The following SLC25A23 variants were observed in gnomAD, a reference collection of about 807,000 sequenced individuals.
SLC25A23 encodes the protein solute carrier family 25 member 23, also known as mitochondrial adenyl nucleotide antiporter SLC25A23.
Under a neutral mutation model 53.9 loss-of-function variants are expected in SLC25A23, and 32 were observed. The ratio of observed to expected loss-of-function variants is 0.59; its 90% CI spans 0.45 to 0.80. The LOEUF (loss-of-function observed/expected upper bound fraction) is 0.80, where lower values mean the gene tolerates loss of function less well. Ranked by LOEUF, SLC25A23 falls within the 30% of genes least tolerant of loss-of-function variation. SLC25A23 has a pLI of 0.00. For missense variants in SLC25A23, 575 were observed against 651.4 expected, an observed-to-expected ratio of 0.88 and a Z score of 1.28; for synonymous variants, 275 against 264.5, an observed-to-expected ratio of 1.04 and a Z score of -0.38.
chr19:6,448,885 G>A (rs186565599), intron 8 of SLC25A23, among the ~76,000 whole-genome samples: 18 of 151,848 alleles, frequency 1.2e-4, no homozygotes, highest in Admixed American at 9.2e-4. Flanking sequence ...TTAGCCTGGC[G>A]TGGTGGCGCA....
At chr19:6,442,923 C>A (rs1360763166) in intron 9 of SLC25A23, among the ~76,000 whole-genome samples, 1 of 146,632 alleles carries the variant, frequency 6.8e-6, no homozygotes, top group African/African-American at 2.5e-5. Flanking sequence ...CGTGTGCCAC[C>A]ATGCCCAGCC....
intron 4 of SLC25A23, chr19:6,456,094 T>C (rs1441803951): frequency 7.2e-7 from 1 of 1,387,658 alleles, no homozygotes; most frequent in Non-Finnish European, 9.5e-7. Context: ...AGAAGAGAGC[T>C]GTGTGGGTGG....
Position 6,452,350 on chromosome 19 carries a change from T to C in SLC25A23, c.1033A>G (p.Ile345Val). ...YRGYLPNVLGIIPYAGIDLAV... is the reference protein window; with the variant it reads ...YRGYLPNVLGVIPYAGIDLAV... The stretch of plus-strand genomic sequence containing the variant: ...AGGTCGATGCCCGCATAGGGGATGA[T>C]GCCCAGCACGTTGGGGAGGTAGCCG... The change falls in exon 8 of 10, where the codon ATC (isoleucine) becomes GTC (valine). Residue 345 changes from isoleucine (I) to valine (V), a missense_variant. By Grantham distance (29) the Ile-to-Val change is conservative. Coordinates refer to ENST00000301454, the MANE Select transcript of SLC25A23 (RefSeq NM_024103.3). 6.2e-7 allele frequency: 1 copy of C among 1,613,598 alleles called. No homozygotes were observed. The highest frequency in any genetic ancestry group is 8.5e-7 in the Non-Finnish European group (1 of 1,179,826).
Position 6,456,533 on chromosome 19 carries a change from T to TG in SLC25A23, c.372-3dup, listed in dbSNP as rs749918850. 2 of 1,575,840 alleles carry TG rather than the reference T, an allele frequency of 1.3e-6. No homozygotes were observed. The highest frequency in any genetic ancestry group is 1.1e-5 in the South Asian group (1 of 90,210). On this transcript the variant is annotated splice_polypyrimidine_tract_variant and splice_region_variant and intron_variant, in intron 3 of 9. Coordinates refer to ENST00000301454, the MANE Select transcript of SLC25A23 (RefSeq NM_024103.3). ...GTCATTGTGCCGTCTCGGTCCATGC[T>TG]GGGGGGAAGAAAGGGGGTGGAGGAG...
intron 7 of SLC25A23, 76 bp from the exon 8 acceptor site, chr19:6,452,555 T>C (rs1224449799): frequency 1.1e-5 from 17 of 1,495,906 alleles, no homozygotes; most frequent in Non-Finnish European, 1.4e-5. Flanking sequence ...CACCTAGAAA[T>C]AGCTACTCCT....
intron 1 of SLC25A23, among the ~76,000 whole-genome samples, chr19:6,458,717 AC>A (rs2092717788): frequency 6.6e-6 from 1 of 151,882 alleles, no homozygotes; most frequent in Non-Finnish European, 1.5e-5. Flanking sequence ...CTCTTAAAAA[AC>A]CCTGTCCACA....
rs546073152 is a variant in SLC25A23, at chr19:6,444,991, T to G, written c.1072-690A>C. ...CTAATTATTTTTCTTTTTACAGAGA[T>G]GGAGTGTCACTATGTTGCTCAGGCT... On this transcript the variant is annotated intron_variant, in intron 8 of 9. Coordinates refer to ENST00000301454, the MANE Select transcript of SLC25A23 (RefSeq NM_024103.3). Among the ~76,000 whole-genome samples, 4 of 152,086 alleles carry G rather than the reference T, an allele frequency of 2.6e-5. No individual in the cohort carries two copies. The South Asian group carries it at 8.3e-4, about 32-fold the overall frequency.
At position 6,442,023 on chromosome 19, in the gene SLC25A23, A is replaced by ATCTCG; in HGVS notation, c.1358_1359insCGAGA (p.Val454GlufsTer8). The ATCTCG allele has an allele frequency of 6.2e-7, 1 of 1,613,916 alleles. No homozygotes were observed. ...CCTGCTTCATGTTCTCGTAGACCAC[A>ATCTCG]TAGGAGATGCTCACAGCTGGAATAA... On this transcript the variant is annotated frameshift_variant, in exon 10 of 10. Coordinates refer to ENST00000301454, the MANE Select transcript of SLC25A23 (RefSeq NM_024103.3). LOFTEE classifies it high-confidence loss of function.
Position 6,444,200 on chromosome 19 carries a change from C to T in SLC25A23, c.1173G>A (p.Gln391=), listed in dbSNP as rs1180559654. The change falls in exon 9 of 10, where the codon CAG becomes CAA. Residue 391 remains glutamine (Q), a synonymous_variant. Transcript: ENST00000301454. ...CCAGGGCCAGCGGGTAACTGGCTAT[C>T]TGGCCGCAGGTGCTGGATATGGTAC... ...ACGTISSTCG[Q]IASYPLALVR... is the part of the protein sequence containing the mutation. 1 of 1,601,448 alleles carries T rather than the reference C, an allele frequency of 6.2e-7. No homozygotes were observed.
intron 2 of SLC25A23, among the ~76,000 whole-genome samples, chr19:6,457,980 G>A (rs2092704455): frequency 6.6e-6 from 1 of 152,108 alleles, no homozygotes; most frequent in African/African-American, 2.4e-5. Context: ...TAATTATCGG[G>A]GTTCTGCCCC....
chr19:6,436,621 C>A (rs1383665742), downstream of SLC25A23, among the ~76,000 whole-genome samples: 1 of 151,700 alleles, frequency 6.6e-6, no homozygotes, highest in Admixed American at 6.6e-5. Context: ...ACAATCTCGA[C>A]TCACTGCAAC....
intron 2 of SLC25A23, 38 bp from the exon 3 acceptor site, chr19:6,457,628 T>G: frequency 6.4e-7 from 1 of 1,572,530 alleles, no homozygotes; most frequent in South Asian, 1.1e-5. Flanking sequence ...GATGTGCGTG[T>G]GAGGACACCT....
At chr19:6,444,023 A>G in intron 9 of SLC25A23, 128 bp downstream of exon 9, 2 of 1,014,784 alleles carry the variant, frequency 2.0e-6, no homozygotes, top group Admixed American at 3.0e-5. Flanking sequence ...AATGTCACAA[A>G]TGGGGAAACG....
chr19:6,438,676 T>C (rs2092366845), downstream of SLC25A23: 18 of 193,198 alleles, frequency 9.3e-5, no homozygotes, highest in South Asian at 9.8e-4. Flanking sequence ...CGGGAATACC[T>C]GGTCTCTACT....
At chr19:6,451,145 T>C (rs1382909355) in intron 8 of SLC25A23, among the ~76,000 whole-genome samples, 2 of 150,476 alleles carry the variant, frequency 1.3e-5, no homozygotes, top group Non-Finnish European at 2.9e-5. Context: ...ATCCAGCACT[T>C]TGGGAGGCCA....
chr19:6,445,922 CA>C (rs886928318), intron 8 of SLC25A23, among the ~76,000 whole-genome samples: 1 of 109,688 alleles, frequency 9.1e-6, no homozygotes, highest in African/African-American at 1.0e-4. Flanking sequence ...AACAAACAAA[CA>C]AAAAAAAACT....
At chr19:6,450,950 C>T (rs1366383383) in intron 8 of SLC25A23, among the ~76,000 whole-genome samples, 1 of 151,572 alleles carries the variant, frequency 6.6e-6, no homozygotes, top group Non-Finnish European at 1.5e-5. Context: ...TGGTGGCAGG[C>T]ACCTGTAATC....
chr19:6,448,109 T>C (rs1187273726), intron 8 of SLC25A23, among the ~76,000 whole-genome samples: 1 of 152,228 alleles, frequency 6.6e-6, no homozygotes, highest in African/African-American at 2.4e-5. Flanking sequence ...GGGTGGCTAA[T>C]CCCTTCTGAA....
In SLC25A23 at chr19:6,454,692, G is replaced by C; in HGVS notation, c.509C>G (p.Thr170Arg). Residue 170 changes from threonine (T) to arginine (R), a missense_variant, in exon 5 of 10, where the codon ACA becomes AGA. By Grantham distance (71) the Thr-to-Arg change is moderately conservative (BLOSUM62 -1). Transcript: ENST00000301454. This position sits in a 1 kb window ranked among gnomAD's most constrained non-coding sequence, Gnocchi z 4.3. Reference protein sequence around the residue: ...STVLDIGECLTVPDEFSKQEK... With the variant: ...STVLDIGECLRVPDEFSKQEK... ...TTGCTTTGAGAACTCGTCCGGCACT[G>C]TCAGGCACTCGCCAATGTCCAGGAC... is the stretch of plus-strand genomic sequence containing the variant. 6.2e-7 allele frequency: 1 copy of C among 1,614,054 alleles called. No individual in the cohort carries two copies. Among genetic ancestry groups the C allele is most frequent in the Non-Finnish European group, 8.5e-7 (1 of 1,180,028 alleles).
Sources: gnomAD v4.1 joint callset for allele counts (sites outside exome capture counted in the v4.1 genomes callset) on GRCh38, gnomAD v4.1.1 for gene constraint, Gnocchi (gnomAD v3.1) non-coding constraint, MANE v1.5 for transcripts, NCBI Gene and HGNC (gene_info 2026-07-23, HGNC 2026-07-21) for gene names.